The following PLEKHH2 variants were observed in gnomAD, a reference collection of about 807,000 sequenced individuals.
PLEKHH2 encodes the protein pleckstrin homology, MyTH4 and FERM domain containing H2, also known as pleckstrin homology domain-containing family H member 2.
Under a neutral mutation model 187.9 loss-of-function variants are expected in PLEKHH2, and 129 were observed. That is an observed-to-expected ratio of 0.69 (90% confidence interval 0.59 to 0.79). PLEKHH2 has a LOEUF of 0.79. Ranked by LOEUF, PLEKHH2 falls within the 30% of genes least tolerant of loss-of-function variation. PLEKHH2 has a pLI of 0.00. For synonymous variants in PLEKHH2, 686 were observed against 605.6 expected, an observed-to-expected ratio of 1.13 and a Z score of -1.95; for missense variants, 2,076 against 1,751.2, an observed-to-expected ratio of 1.19 and a Z score of -3.31.
At chr2:43,726,777 T>C (rs112886269) in intron 17 of PLEKHH2, among the ~76,000 whole-genome samples, 16 of 152,212 alleles carry the variant, frequency 1.1e-4, no homozygotes, top group African/African-American at 3.4e-4. Flanking sequence ...TTTGACTAAT[T>C]TTTAATAAAA....
chr2:43,680,174 G>C (rs1051528838), intron 3 of PLEKHH2, among the ~76,000 whole-genome samples: 5 of 152,158 alleles, frequency 3.3e-5, no homozygotes, highest in Non-Finnish European at 7.4e-5. Flanking sequence ...CTGGTGTTCT[G>C]CAGCACTATG....
intron 27 of PLEKHH2, among the ~76,000 whole-genome samples, chr2:43,761,492 C>G (rs1672427910): frequency 6.6e-6 from 1 of 150,864 alleles, no homozygotes; most frequent in Non-Finnish European, 1.5e-5. Context: ...CTCACTGCAG[C>G]CTGCGCCTCC....
rs769596468 is a variant in PLEKHH2 at position 43,729,695 on chromosome 2, C to T, written c.2780C>T (p.Ser927Phe). 1 of 1,609,614 alleles carries T rather than the reference C, an allele frequency of 6.2e-7. No homozygotes were observed. The highest frequency in any genetic ancestry group is 1.7e-5 in the Admixed American group (1 of 58,912). ...AAGSNNVNVG[S>F]EFEQLVCKLL... The stretch of plus-strand genomic sequence containing the variant: ...GGAAGCAACAATGTAAACGTTGGAT[C>T]TGAATTTGAACAACTGGTTTGCAAA... The change falls in exon 18 of 30, where the codon TCT becomes TTT. Residue 927 changes from serine to phenylalanine, a missense_variant. Transcript: ENST00000282406.
chr2:43,705,194 T>C (rs1049744484), intron 9 of PLEKHH2, among the ~76,000 whole-genome samples: 3 of 151,964 alleles, frequency 2.0e-5, no homozygotes, highest in African/African-American at 7.2e-5. Context: ...GGGGTAACTA[T>C]TGATATTCAG....
chr2:43,639,230 G>A (rs1703255904), intron 1 of PLEKHH2, among the ~76,000 whole-genome samples: 1 of 152,110 alleles, frequency 6.6e-6, no homozygotes, highest in African/African-American at 2.4e-5. Flanking sequence ...TTTTTCTTTA[G>A]TCATTTGTAA....
At chr2:43,762,501 A>T in intron 28 of PLEKHH2, 111 bp downstream of exon 28, 1 of 768,650 alleles carries the variant, frequency 1.3e-6, no homozygotes, top group Non-Finnish European at 2.2e-6. Context: ...CCCAGGAAAC[A>T]TTCTTCCTAA....
chr2:43,709,327 A>C (rs1345011989), intron 11 of PLEKHH2, among the ~76,000 whole-genome samples: 2 of 152,230 alleles, frequency 1.3e-5, no homozygotes, highest in African/African-American at 2.4e-5. Context: ...TGATTACAGA[A>C]GTTAAGAAAT....
At chr2:43,691,410 G>A (rs182299278) in intron 3 of PLEKHH2, among the ~76,000 whole-genome samples, 2 of 152,234 alleles carry the variant, frequency 1.3e-5, no homozygotes, top group Non-Finnish European at 2.9e-5. Flanking sequence ...AGCAAAAAAG[G>A]TTAAAGTAAA....
intron 3 of PLEKHH2, among the ~76,000 whole-genome samples, chr2:43,683,960 C>G (rs539640195): frequency 2.0e-5 from 3 of 152,168 alleles, no homozygotes; most frequent in Non-Finnish European, 2.9e-5. Flanking sequence ...CCCTCCAACA[C>G]ACATTCAAGC....
intron 15 of PLEKHH2, among the ~76,000 whole-genome samples, chr2:43,718,377 A>G (rs1216833728): frequency 6.6e-6 from 1 of 152,054 alleles, no homozygotes; most frequent in East Asian, 1.9e-4. Flanking sequence ...GTCTCTACTA[A>G]AAATACAAAA....
chr2:43,671,238 C>T (rs536506852), intron 2 of PLEKHH2, among the ~76,000 whole-genome samples: 13 of 152,202 alleles, frequency 8.5e-5, no homozygotes, highest in Admixed American at 7.9e-4. Flanking sequence ...CCACCCACCT[C>T]GGCCTCCCAA....
chr2:43,684,733 A>G (rs10168141), intron 3 of PLEKHH2, among the ~76,000 whole-genome samples: 3,282 of 151,976 alleles, frequency 0.022, 130 homozygotes, highest in African/African-American at 0.075. Context: ...GATGTTGGGT[A>G]TAAAGTTATT....
At chr2:43,694,624 G>T in intron 5 of PLEKHH2, 110 bp downstream of exon 5, 1 of 1,151,410 alleles carries the variant, frequency 8.7e-7, no homozygotes, top group Non-Finnish European at 1.2e-6. Flanking sequence ...TGATCGGTTG[G>T]TGATACTGCT....
intron 1 of PLEKHH2, among the ~76,000 whole-genome samples, chr2:43,640,827 C>T (rs1056807104): frequency 6.6e-6 from 1 of 151,730 alleles, no homozygotes; most frequent in Admixed American, 6.6e-5. Flanking sequence ...CTCTGTCGCC[C>T]AGGCTGGAGT....
At chr2:43,744,148 T>G (rs1671682464) in intron 23 of PLEKHH2, 159 bp downstream of exon 23, 12 of 1,382,070 alleles carry the variant, frequency 8.7e-6, no homozygotes, top group African/African-American at 1.5e-5. Context: ...AGGACTTTGT[T>G]AAACCCATAG....
intron 3 of PLEKHH2, among the ~76,000 whole-genome samples, chr2:43,690,708 A>G (rs867868873): frequency 2.0e-5 from 3 of 152,268 alleles, no homozygotes; most frequent in Middle Eastern, 6.8e-3. Context: ...ACCTATTTGG[A>G]GTATGTAGAA....
Position 43,766,904 on chromosome 2 carries a change from AT to A in PLEKHH2, c.*1307del, listed in dbSNP as rs1468605003. The stretch of plus-strand genomic sequence containing the variant: ...TGAGCCACCGTGCCCAGCCTCAAAA[AT>A]ATTTTTTAAAAGAAAAGAGAAAATA... On this transcript the variant is annotated 3_prime_UTR_variant, in exon 30 of 30. Transcript: ENST00000282406. The A allele has an allele frequency of 6.6e-6, 1 of 152,626 alleles. No homozygotes were observed. The highest frequency in any genetic ancestry group is 1.9e-4 in the East Asian group (1 of 5,252). The allele number at this position is 152,626 out of a possible 1,614,324, so 9.5% of individuals were successfully genotyped here. A position where few individuals can be genotyped will look rare whatever the true frequency, so the allele number is the denominator to read the frequency against.
At chr2:43,674,348 A>G (rs1352276635) in intron 2 of PLEKHH2, among the ~76,000 whole-genome samples, 1 of 152,244 alleles carries the variant, frequency 6.6e-6, no homozygotes, top group Non-Finnish European at 1.5e-5. Context: ...CCCTGAAAAT[A>G]GAATATAGTT....
intron 24 of PLEKHH2, among the ~76,000 whole-genome samples, chr2:43,749,636 C>G (rs551717980): frequency 1.3e-5 from 2 of 152,158 alleles, no homozygotes; most frequent in Admixed American, 1.3e-4. Flanking sequence ...AACTGAAAGG[C>G]TTGATTTTTA....
Sources: gnomAD v4.1 joint callset for allele counts (sites outside exome capture counted in the v4.1 genomes callset) on GRCh38, gnomAD v4.1.1 for gene constraint, MANE v1.5 for transcripts, NCBI Gene and HGNC (gene_info 2026-07-23, HGNC 2026-07-21) for gene names.